USP24: variants seen among roughly 807,000 people sequenced by gnomAD.
USP24 encodes ubiquitin carboxyl-terminal hydrolase 24.
USP24 carries 97 observed loss-of-function variants against 361.6 expected under a neutral mutation model. The observed-to-expected ratio is 0.27, with a 90% CI of 0.23 to 0.32. The LOEUF (loss-of-function observed/expected upper bound fraction) is 0.32. Among genes scored for constraint, USP24 ranks in the 10% least tolerant of loss-of-function variants. The probability of loss-of-function intolerance (pLI) is 1.00; values close to 1 mark genes in which losing one functional copy is unlikely to be tolerated. For missense variants in USP24, 2,353 were observed against 3,165.6 expected, an observed-to-expected ratio of 0.74 and a Z score of 6.16; for synonymous variants, 1,098 against 1,124.6, an observed-to-expected ratio of 0.98 and a Z score of 0.47.
In USP24 at chr1:55,098,517, G is replaced by A. The variant is rs1645548305; in HGVS notation, c.5412C>T (p.Gly1804=). ...RDQIFKNTFQ[G]IYSDQKICKD... is the part of the protein sequence containing the mutation. ...TACAGATCTTCTGATCAGAGTAGAT[G>A]CCCTGAAATGTATTCTTAAAAATTT... The change falls in exon 46 of 68, where the codon GGC becomes GGT. Residue 1804 remains glycine (G), a synonymous_variant. Coordinates refer to ENST00000294383, the MANE Select transcript of USP24 (RefSeq NM_015306.3). The A allele has an allele frequency of 6.2e-7, 1 of 1,612,904 alleles. No individual in the cohort carries two copies. Among genetic ancestry groups the A allele is most frequent in the South Asian group, 1.1e-5 (1 of 90,756 alleles).
chr1:55,207,792 A>T (rs1644749647), intron 1 of USP24, among the ~76,000 whole-genome samples: 2 of 152,212 alleles, frequency 1.3e-5, no homozygotes. Flanking sequence ...AATATTCTTG[A>T]TATAAACTTA....
chr1:55,178,071 T>C lies in USP24; in HGVS notation c.386A>G (p.Tyr129Cys), dbSNP rs1650165401. The change falls in exon 2 of 68, where the codon TAT becomes TGT. Residue 129 changes from tyrosine to cysteine, a missense_variant. By Grantham distance (194) the Tyr-to-Cys change is radical. Around this residue, in one of 8 missense-constraint regions of USP24, gnomAD observed 253 missense variants for 255.3 expected, o/e 0.99. Coordinates refer to ENST00000294383, the MANE Select transcript of USP24 (RefSeq NM_015306.3). ...EGIEFPTTNL[Y>C]ELESRVLTDH... ...AGTCAAAACACGGCTTTCCAGTTCA[T>C]ATAAATTTGTTGTAGGGAATTCAAT... is the stretch of plus-strand genomic sequence containing the variant. 4 of 1,551,596 alleles carry C rather than the reference T, an allele frequency of 2.6e-6. No individual in the cohort carries two copies. The highest frequency in any genetic ancestry group is 3.5e-6 in the Non-Finnish European group (4 of 1,146,896).
chr1:55,156,489 T>A (rs1251700762), intron 12 of USP24, among the ~76,000 whole-genome samples: 2 of 151,480 alleles, frequency 1.3e-5, no homozygotes. Flanking sequence ...ATGACCAAAG[T>A]GAAGAAAAAA....
rs1453776731 is a variant in USP24 at position 55,157,366 on chromosome 1, G to T, written c.1232C>A (p.Thr411Asn). Residue 411 changes from threonine to asparagine, a missense_variant, in exon 11 of 68, where the codon ACC (threonine) becomes AAC (asparagine). This residue lies in a region of USP24 where 386 missense variants were observed against 560.5 expected (regional missense o/e 0.69). Transcript: ENST00000294383. The stretch of plus-strand genomic sequence containing the variant: ...TAAAGTGCTATCTTCTATTAGTTTG[G>T]TTACCTAAAAAGATAAGATTATTGT... ...SAKMNSLKEV[T>N]KLIEDSTLSK... 8 of 1,558,846 alleles carry T rather than the reference G, an allele frequency of 5.1e-6. No homozygotes were observed. Among genetic ancestry groups the T allele is most frequent in the Non-Finnish European group, 7.0e-6 (8 of 1,150,356 alleles).
chr1:55,075,052 G>C (rs1414364194), intron 63 of USP24, among the ~76,000 whole-genome samples: 1 of 152,122 alleles, frequency 6.6e-6, no homozygotes, highest in Non-Finnish European at 1.5e-5. Context: ...GCTTACTATA[G>C]GTAAAAAGAC....
chr1:55,211,271 C>CA, intron 1 of USP24, among the ~76,000 whole-genome samples: 1 of 152,264 alleles, frequency 6.6e-6, no homozygotes, highest in South Asian at 2.1e-4. Flanking sequence ...AATAATAGAA[C>CA]AGACTCTTAT....
In USP24 at chr1:55,166,599, G is replaced by GTTC; in HGVS notation, c.829_830insGAA (p.Pro277delinsArgThr). On this transcript the variant is annotated protein_altering_variant, in exon 6 of 68. Transcript: ENST00000294383. ...TACCAAATCCACAACCCATCCATGA[G>GTTC]GCTCCTATGAGAAAAGAAAAACAAA... 1 of 1,592,360 alleles carries GTTC rather than the reference G, an allele frequency of 6.3e-7. No individual in the cohort carries two copies. Among genetic ancestry groups the GTTC allele is most frequent in the Non-Finnish European group, 8.6e-7 (1 of 1,168,912 alleles).
chr1:55,074,856 T>C (rs1293153266), intron 63 of USP24, among the ~76,000 whole-genome samples: 2 of 151,968 alleles, frequency 1.3e-5, no homozygotes, highest in Non-Finnish European at 2.9e-5. Context: ...GCCCTAAATC[T>C]CTTAATACAT....
At chr1:55,214,078 CCTGCCCAGGCCTCCCACCT>C (rs1473493538) in intron 1 of USP24, among the ~76,000 whole-genome samples, 1 of 152,048 alleles carries the variant, frequency 6.6e-6, no homozygotes, top group Non-Finnish European at 1.5e-5. Context: ...AGCTCCCACC[CCTGCCCAGGCCTCCCACCT>C]CTGCCCTCTC....
At chr1:55,202,391 G>A (rs1035888306) in intron 1 of USP24, among the ~76,000 whole-genome samples, 1 of 151,542 alleles carries the variant, frequency 6.6e-6, no homozygotes, top group African/African-American at 2.4e-5. Flanking sequence ...CAAGCGATTT[G>A]TATACCGACT....
intron 1 of USP24, among the ~76,000 whole-genome samples, chr1:55,206,701 G>A (rs942354385): frequency 1.4e-5 from 2 of 145,732 alleles, no homozygotes; most frequent in African/African-American, 2.5e-5. Flanking sequence ...GCCAAAACCA[G>A]AGTAGTAACA....
rs989531347 is a variant in USP24 at position 55,132,511 on chromosome 1, T to C, written c.3537+34A>G. The C allele has an allele frequency of 1.9e-6, 3 of 1,590,010 alleles. No individual in the cohort carries two copies. In the African/African-American group the frequency reaches 4.0e-5, roughly 21 times the overall value. On this transcript the variant is annotated intron_variant, in intron 31 of 67. Transcript: ENST00000294383. ...GAATCGATAAATCCAAATAGACCTG[T>C]CAAAATGAAATGGAAAGAAATTAGG...
chr1:55,102,561 G>A (rs977088592), intron 42 of USP24, among the ~76,000 whole-genome samples: 2 of 151,940 alleles, frequency 1.3e-5, no homozygotes, highest in African/African-American at 2.4e-5. Flanking sequence ...AAATGTATAG[G>A]TCTTCTAGAT....
rs559727337 is a variant in USP24 at position 55,070,061 on chromosome 1, GA to G, written c.7801-955del. On this transcript the variant is annotated intron_variant, in intron 67 of 67. Transcript: ENST00000294383. The stretch of plus-strand genomic sequence containing the variant: ...GGGGATCCTTACAGATGTAGGCAGA[GA>G]GGGGCTGATGACAGGTGGAGGAGAG... Among the ~76,000 whole-genome samples the G allele has an allele frequency of 4.6e-5, 7 of 151,982 alleles. No individual in the cohort carries two copies. In the South Asian group the frequency reaches 1.5e-3, roughly 32 times the overall value.
At chr1:55,120,869 G>T in intron 37 of USP24, 113 bp from the exon 38 acceptor site, 1 of 1,297,760 alleles carries the variant, frequency 7.7e-7, no homozygotes, top group Non-Finnish European at 1.0e-6. Context: ...GTTATTGAAG[G>T]ATACTAGAAA....
intron 24 of USP24, among the ~76,000 whole-genome samples, chr1:55,139,415 T>G (rs967393566): frequency 2.0e-5 from 3 of 152,200 alleles, no homozygotes; most frequent in African/African-American, 7.2e-5. Flanking sequence ...GACAAAGTTC[T>G]GAACTGCCTG....
chr1:55,211,276 T>C (rs1569843959), intron 1 of USP24, among the ~76,000 whole-genome samples: 2 of 152,326 alleles, frequency 1.3e-5, no homozygotes, highest in South Asian at 4.1e-4. Context: ...TAGAACAGAC[T>C]CTTATGTGCC....
intron 61 of USP24, among the ~76,000 whole-genome samples, chr1:55,077,546 G>T (rs1645055262): frequency 6.6e-6 from 1 of 152,170 alleles, no homozygotes; most frequent in East Asian, 1.9e-4. Context: ...AGAAAAGAAA[G>T]AGTAGGGGAG....
chr1:55,071,168 G>A (rs952813164), intron 67 of USP24: 2 of 985,484 alleles, frequency 2.0e-6, no homozygotes, highest in East Asian at 2.3e-4. Context: ...ATTTAATGGG[G>A]CCTATTCTGT....
Sources: gnomAD v4.1 joint callset for allele counts (sites outside exome capture counted in the v4.1 genomes callset) on GRCh38, gnomAD v4.1.1 for gene constraint, gnomAD v4.1.1 regional missense constraint, MANE v1.5 for transcripts, NCBI Gene and HGNC (gene_info 2026-07-23, HGNC 2026-07-21) for gene names.